ZNF407: variants seen among roughly 807,000 people sequenced by gnomAD.
ZNF407 encodes the protein zinc finger protein 407.
ZNF407 carries 17 observed loss-of-function variants against 131.2 expected under a neutral mutation model. The ratio of observed to expected loss-of-function variants is 0.13; its 90% confidence interval spans 0.09 to 0.19. ZNF407 has a LOEUF of 0.19. Ranked by LOEUF, ZNF407 falls within the 10% of genes least tolerant of loss-of-function variation. The probability of loss-of-function intolerance (pLI) is 1.00; values close to 1 mark genes in which losing one functional copy is unlikely to be tolerated. For missense variants in ZNF407, 2,681 were observed against 2,830.6 expected (o/e 0.95, Z 1.20); for synonymous variants, 1,156 against 1,062.0 (o/e 1.09, Z -1.72).
intron 3 of ZNF407, among the ~76,000 whole-genome samples, chr18:74,717,965 A>G (rs1222116040): frequency 6.6e-6 from 1 of 152,080 alleles, no homozygotes; most frequent in Non-Finnish European, 1.5e-5. Context: ...TCATCTGTTA[A>G]ATTTTATTTT....
At chr18:74,923,725 A>T (rs1971876176) in intron 8 of ZNF407, among the ~76,000 whole-genome samples, 1 of 152,214 alleles carries the variant, frequency 6.6e-6, no homozygotes, top group Admixed American at 6.5e-5. Context: ...TTAGATACAG[A>T]CATACACATA....
At chr18:74,772,836 T>C (rs1439198205) in intron 3 of ZNF407, among the ~76,000 whole-genome samples, 1 of 152,078 alleles carries the variant, frequency 6.6e-6, no homozygotes, top group Non-Finnish European at 1.5e-5. Context: ...GCTGTGGTAC[T>C]CAGACATAAT....
chr18:74,687,433 G>C (rs992519303), intron 3 of ZNF407, among the ~76,000 whole-genome samples: 3 of 152,162 alleles, frequency 2.0e-5, no homozygotes, highest in Non-Finnish European at 4.4e-5. Flanking sequence ...CATGAGGAAG[G>C]AGCTGGGAAG....
At chr18:74,707,788 GGTT>G (rs1967662456) in intron 3 of ZNF407, among the ~76,000 whole-genome samples, 1 of 152,112 alleles carries the variant, frequency 6.6e-6, no homozygotes, top group African/African-American at 2.4e-5. Context: ...TTGAGACTGA[GGTT>G]GTTTCTTCTT....
intron 8 of ZNF407, among the ~76,000 whole-genome samples, chr18:74,971,043 C>T (rs1162960807): frequency 6.6e-6 from 1 of 152,232 alleles, no homozygotes; most frequent in Non-Finnish European, 1.5e-5. Context: ...GGTTTTCACC[C>T]TCTGAAGCCA....
At chr18:74,602,307 G>A (rs1420416478) in intron 1 of ZNF407, among the ~76,000 whole-genome samples, 1 of 152,200 alleles carries the variant, frequency 6.6e-6, no homozygotes, top group Non-Finnish European at 1.5e-5. Flanking sequence ...AAGGTAGAGA[G>A]AGATGATGGT....
chr18:74,600,075 T>C (rs1033073257), intron 1 of ZNF407, among the ~76,000 whole-genome samples: 6 of 152,210 alleles, frequency 3.9e-5, no homozygotes, highest in Non-Finnish European at 8.8e-5. Flanking sequence ...TAGTGGGGAA[T>C]ATAGACAAGC....
intron 8 of ZNF407, among the ~76,000 whole-genome samples, chr18:74,956,483 C>G (rs1972276423): frequency 6.6e-6 from 1 of 152,148 alleles, no homozygotes; most frequent in Non-Finnish European, 1.5e-5. Flanking sequence ...AAATATAAGA[C>G]TACAGTTGTC....
At chr18:74,987,858 G>A (rs1972671753) in intron 8 of ZNF407, among the ~76,000 whole-genome samples, 1 of 152,130 alleles carries the variant, frequency 6.6e-6, no homozygotes, top group Non-Finnish European at 1.5e-5. Context: ...ACTCAGTGTT[G>A]TTAAATGTCA....
intron 8 of ZNF407, among the ~76,000 whole-genome samples, chr18:74,982,307 T>TA: frequency 6.6e-6 from 1 of 152,316 alleles, no homozygotes; most frequent in Non-Finnish European, 1.5e-5. Flanking sequence ...TTATTGAAAA[T>TA]ACCTCCACTG....
intron 3 of ZNF407, among the ~76,000 whole-genome samples, chr18:74,727,373 C>A (rs951334864): frequency 1.3e-5 from 2 of 152,128 alleles, no homozygotes; most frequent in African/African-American, 4.8e-5. Flanking sequence ...ACCACAGCAT[C>A]TCTCACTCAT....
intron 8 of ZNF407, among the ~76,000 whole-genome samples, chr18:75,047,911 G>T (rs144708047): frequency 1.3e-5 from 2 of 152,110 alleles, no homozygotes; most frequent in East Asian, 3.9e-4. Context: ...ACCTGATGAC[G>T]TTTAATAGTG....
chr18:74,689,821 G>T (rs756030011), intron 3 of ZNF407, among the ~76,000 whole-genome samples: 2 of 152,114 alleles, frequency 1.3e-5, no homozygotes, highest in Non-Finnish European at 2.9e-5. Flanking sequence ...GTATTTGTAG[G>T]TTGTGATGGC....
In ZNF407 at chr18:74,786,801, T is replaced by C. The variant is rs1213844636; in HGVS notation, c.4877+5299T>C. On this transcript the variant is annotated intron_variant, in intron 4 of 8. Transcript: ENST00000299687. ...TTAATGTAAAAAAGTATGTTTTTTT[T>C]TTTTTTTTTTTTTTTTTTTTGGAGA... Among the ~76,000 whole-genome samples, 2 of 131,654 alleles carry C rather than the reference T, an allele frequency of 1.5e-5. 1 individual carries two copies. Among genetic ancestry groups the C allele is most frequent in the Non-Finnish European group, 3.2e-5 (2 of 61,780 alleles). 86.4% of individuals were successfully genotyped at this position (131,654 alleles called of 152,430 possible).
At chr18:74,988,133 A>G (rs751967459) in intron 8 of ZNF407, among the ~76,000 whole-genome samples, 1 of 152,252 alleles carries the variant, frequency 6.6e-6, no homozygotes, top group Non-Finnish European at 1.5e-5. Flanking sequence ...GCGTGTGGTC[A>G]GTTGATTTTC....
chr18:74,706,482 T>C (rs1459262548), intron 3 of ZNF407, among the ~76,000 whole-genome samples: 1 of 152,216 alleles, frequency 6.6e-6, no homozygotes, highest in Admixed American at 6.5e-5. Context: ...TGAATTTGGA[T>C]GCTCATTCGT....
chr18:75,015,464 C>T lies in ZNF407; in HGVS notation c.5429-47686C>T, dbSNP rs867311379. On this transcript the variant is annotated intron_variant, in intron 8 of 8. Coordinates refer to ENST00000299687, the MANE Select transcript of ZNF407 (RefSeq NM_017757.3). ...TACAGCGGAAGAAAACAAAGCAACT[C>T]CAAGTTGTCTAAAGAATTATATGAT... 8.7e-5 allele frequency among the ~76,000 whole-genome samples: 13 copies of T among 149,440 alleles called. No homozygotes were observed. The Middle Eastern group carries it at 0.011, about 121-fold the overall frequency.
chr18:74,755,737 C>CTTTCTTTCT (rs1968929255), intron 3 of ZNF407, among the ~76,000 whole-genome samples: 1 of 105,678 alleles, frequency 9.5e-6, no homozygotes, highest in Non-Finnish European at 1.8e-5. Context: ...TCCTTTCTTT[C>CTTTCTTTCT]TTTCTTTCTT....
chr18:74,772,577 A>G (rs111477185), intron 3 of ZNF407, among the ~76,000 whole-genome samples: 182 of 152,258 alleles, frequency 1.2e-3, no homozygotes, highest in African/African-American at 4.1e-3. Flanking sequence ...GGTTGCTTTC[A>G]CTTTTCAGTT....
Sources: gnomAD v4.1 joint callset for allele counts (sites outside exome capture counted in the v4.1 genomes callset) on GRCh38, gnomAD v4.1.1 for gene constraint, MANE v1.5 for transcripts, NCBI Gene and HGNC (gene_info 2026-07-23, HGNC 2026-07-21) for gene names.